The following FBLN2 variants were observed in gnomAD, a reference collection of about 807,000 sequenced individuals.
FBLN2 encodes fibulin 2.
In FBLN2, 81 loss-of-function variants were observed where a neutral mutation model predicts 123.7. The observed-to-expected ratio is 0.65, with a 90% CI of 0.55 to 0.79. FBLN2 has a LOEUF of 0.79. FBLN2 is among the 30% of genes least tolerant of loss of function. The probability of loss-of-function intolerance (pLI) is 0.00; values close to 1 mark genes in which losing one functional copy is unlikely to be tolerated. For synonymous variants in FBLN2, 699 were observed against 701.4 expected, an observed-to-expected ratio of 1.00 and a Z score of 0.05; for missense variants, 1,603 against 1,681.3, an observed-to-expected ratio of 0.95 and a Z score of 0.81.
chr3:13,634,823 C>T (rs1559430059), intron 16 of FBLN2, among the ~76,000 whole-genome samples: 1 of 152,244 alleles, frequency 6.6e-6, no homozygotes, highest in Non-Finnish European at 1.5e-5. Context: ...TGGCGTTGCC[C>T]TGGCAGCTAT....
intron 1 of FBLN2, among the ~76,000 whole-genome samples, chr3:13,552,185 C>G (rs1057075610): frequency 6.6e-6 from 1 of 150,682 alleles, no homozygotes; most frequent in Non-Finnish European, 1.5e-5. Flanking sequence ...GTCCCTTCCC[C>G]CACACTGCTG....
chr3:13,638,337 T>G lies in FBLN2; in HGVS notation c.*418T>G. 1 of 395,230 alleles carries G rather than the reference T, an allele frequency of 2.5e-6. No individual in the cohort carries two copies. Among genetic ancestry groups the G allele is most frequent in the Non-Finnish European group, 4.7e-6 (1 of 213,062 alleles). 24.5% of individuals were successfully genotyped at this position (395,230 alleles called of 1,614,324 possible). A position where few individuals can be genotyped will look rare whatever the true frequency, so the allele number is the denominator to read the frequency against. On this transcript the variant is annotated 3_prime_UTR_variant, in exon 18 of 18. Coordinates refer to ENST00000404922, the MANE Select transcript of FBLN2 (RefSeq NM_001004019.2). ...TAAAGTTTTTTGTTTAACTATAAAG[T>G]AGTACATGTACATTATATAAAAAAA...
chr3:13,594,134 A>AT (rs1488564920), intron 2 of FBLN2, among the ~76,000 whole-genome samples: 1 of 152,020 alleles, frequency 6.6e-6, no homozygotes, highest in East Asian at 1.9e-4. Context: ...GGAGTCAAGC[A>AT]TTTTTTCTGG....
Position 13,636,490 on chromosome 3 carries a change from A to C in FBLN2, c.3260A>C (p.Glu1087Ala). The C allele has an allele frequency of 1.2e-6, 2 of 1,613,594 alleles. No individual in the cohort carries two copies. The highest frequency in any genetic ancestry group is 4.5e-5 in the East Asian group (2 of 44,856). Reference sequence around the variant, plus strand: ...GGTACCCACAACTGTTCCGAGGCTGAGACCTGCCACAACATCCAGGGTAGC... The same window carrying C: ...GGTACCCACAACTGTTCCGAGGCTGCGACCTGCCACAACATCCAGGGTAGC... ...ALGTHNCSEA[E>A]TCHNIQGSFR... The change falls in exon 17 of 18, where the codon GAG becomes GCG. Residue 1087 changes from glutamate (E) to alanine (A), a missense_variant. By Grantham distance (107) the Glu-to-Ala change is moderately radical. Coordinates refer to ENST00000404922, the MANE Select transcript of FBLN2 (RefSeq NM_001004019.2).
chr3:13,609,445 C>T, intron 3 of FBLN2, 68 bp from the exon 4 acceptor site: 1 of 1,476,790 alleles, frequency 6.8e-7, no homozygotes, highest in South Asian at 1.4e-5. Flanking sequence ...TCCTCTGAGC[C>T]TCACTCACTT....
intron 2 of FBLN2, among the ~76,000 whole-genome samples, chr3:13,591,985 G>T (rs1253954719): frequency 6.7e-6 from 1 of 149,486 alleles, no homozygotes; most frequent in Non-Finnish European, 1.5e-5. Flanking sequence ...TCCAGTGGCT[G>T]CATCTGTATG....
At position 13,629,772 on chromosome 3, in the gene FBLN2, C is replaced by T. The variant is rs536468865; in HGVS notation, c.2843-48C>T. ...GGATGGCCCTTGGGGGTGGAGGGAG[C>T]TGGCTTTAGGGCCACCTACCCTGTA... On this transcript the variant is annotated intron_variant, in intron 13 of 17. Transcript: ENST00000404922. 1.8e-5 allele frequency: 27 copies of T among 1,537,486 alleles called. No homozygotes were observed. In the South Asian group the frequency reaches 2.9e-4, roughly 17 times the overall value.
rs57791177 is a variant in FBLN2 at position 13,562,923 on chromosome 3, G to A, written c.-41-7392G>A. On this transcript the variant is annotated intron_variant, in intron 1 of 17. Transcript: ENST00000404922. ...GTCTGGCTTATTCACCTAGCACAGC[G>A]TCCTCAGGGTTCATCTGTGTTGCAG... is the stretch of plus-strand genomic sequence containing the variant. Among the ~76,000 whole-genome samples the A allele has an allele frequency of 4.9e-3, 748 of 152,226 alleles. 4 individuals carry two copies. The highest frequency in any genetic ancestry group is 0.017 in the African/African-American group (725 of 41,532).
chr3:13,610,329 C>A (rs1023750969), intron 4 of FBLN2, among the ~76,000 whole-genome samples: 1 of 152,100 alleles, frequency 6.6e-6, no homozygotes, highest in African/African-American at 2.4e-5. Flanking sequence ...GAGGTGGACC[C>A]CATGGGGAGT....
intron 2 of FBLN2, among the ~76,000 whole-genome samples, chr3:13,604,928 G>A (rs1705155239): frequency 6.6e-6 from 1 of 152,194 alleles, no homozygotes; most frequent in Non-Finnish European, 1.5e-5. Context: ...CGTCCTTCAC[G>A]GCATCTATCC....
At chr3:13,602,972 G>A (rs1481514196) in intron 2 of FBLN2, among the ~76,000 whole-genome samples, 1 of 149,836 alleles carries the variant, frequency 6.7e-6, no homozygotes, top group Admixed American at 6.7e-5. Flanking sequence ...GTGCAGTGGT[G>A]CGATCTTGGC....
At chr3:13,579,050 C>T (rs544924367) in intron 2 of FBLN2, among the ~76,000 whole-genome samples, 39 of 152,110 alleles carry the variant, frequency 2.6e-4, no homozygotes, top group African/African-American at 7.5e-4. Flanking sequence ...AGTGAAACTC[C>T]GTCTCAAAAA....
intron 9 of FBLN2, 139 bp from the exon 10 acceptor site, chr3:13,626,306 C>T: frequency 3.7e-6 from 3 of 812,286 alleles, no homozygotes; most frequent in Admixed American, 3.0e-5. Flanking sequence ...GCCGAGACAT[C>T]AGCCACATCT....
chr3:13,637,666 C>T lies in FBLN2; in HGVS notation c.3443C>T (p.Ala1148Val), dbSNP rs765053125. 4.4e-5 allele frequency: 71 copies of T among 1,613,884 alleles called. No individual in the cohort carries two copies. Among genetic ancestry groups the T allele is most frequent in the East Asian group, 6.7e-5 (3 of 44,896 alleles). ...TTCCAGACGGGCCTCCTGGTGCCTG[C>T]GCATATCTTCCGCATTGGCCCCGCG... is the stretch of plus-strand genomic sequence containing the variant. ...LNFQTGLLVPAHIFRIGPAPA... is the reference protein window; with the variant it reads ...LNFQTGLLVPVHIFRIGPAPA... The change falls in exon 18 of 18, where the codon GCG (alanine) becomes GTG (valine). Residue 1148 changes from alanine to valine, a missense_variant. Transcript: ENST00000404922.
At chr3:13,606,957 A>G (rs557992337) in intron 2 of FBLN2, among the ~76,000 whole-genome samples, 5 of 147,972 alleles carry the variant, frequency 3.4e-5, no homozygotes, top group African/African-American at 1.3e-4. Flanking sequence ...CCGGCTGACT[A>G]TATTCTGTAT....
intron 8 of FBLN2, 63 bp downstream of exon 8, chr3:13,619,894 C>T: frequency 7.4e-7 from 1 of 1,342,726 alleles, no homozygotes; most frequent in Admixed American, 2.2e-5. Context: ...TGGGGGCCTC[C>T]AGGTGGGGGT....
intron 1 of FBLN2, among the ~76,000 whole-genome samples, chr3:13,553,579 G>T (rs1703383561): frequency 6.6e-6 from 1 of 152,228 alleles, no homozygotes; most frequent in South Asian, 2.1e-4. Flanking sequence ...GCGTCATTTT[G>T]TGCCATTGTC....
At chr3:13,553,414 TGAG>T (rs1295163174) in intron 1 of FBLN2, among the ~76,000 whole-genome samples, 2 of 152,158 alleles carry the variant, frequency 1.3e-5, no homozygotes, top group Non-Finnish European at 2.9e-5. Context: ...ACATAGCGAC[TGAG>T]GAGGAAGAGC....
intron 2 of FBLN2, among the ~76,000 whole-genome samples, chr3:13,592,748 A>G (rs1057239523): frequency 6.6e-6 from 1 of 152,178 alleles, no homozygotes; most frequent in Non-Finnish European, 1.5e-5. Flanking sequence ...ATACTATTGC[A>G]AATTGTATTG....
Sources: allele counts gnomAD v4.1 joint callset (sites outside exome capture counted in the v4.1 genomes callset), GRCh38; gene constraint gnomAD v4.1.1; transcripts MANE v1.5; gene names NCBI Gene and HGNC (gene_info 2026-07-23, HGNC 2026-07-21).